EPHA3: variants seen among roughly 807,000 people sequenced by gnomAD.
EPHA3 encodes EPH receptor A3.
EPHA3 carries 42 observed loss-of-function variants against 107.1 expected under a neutral mutation model. That is an observed-to-expected ratio of 0.39 (90% CI 0.31 to 0.51). EPHA3 has a LOEUF of 0.51. EPHA3 is among the 20% of genes least tolerant of loss of function. The pLI is 0.78. For synonymous variants in EPHA3, 461 were observed against 424.8 expected (o/e 1.09, Z -1.05); for missense variants, 1,183 against 1,211.2 (o/e 0.98, Z 0.35).
At chr3:89,326,207 A>T (rs1707163213) in intron 3 of EPHA3, among the ~76,000 whole-genome samples, 2 of 152,016 alleles carry the variant, frequency 1.3e-5, no homozygotes, top group African/African-American at 4.8e-5. Context: ...AAATCCATGG[A>T]TGCTCAAGTC....
intron 1 of EPHA3, among the ~76,000 whole-genome samples, chr3:89,112,296 CATTTCTTGAATTGAATT>C (rs1423891718): frequency 6.6e-6 from 1 of 151,934 alleles, no homozygotes; most frequent in Non-Finnish European, 1.5e-5. Context: ...TAAAGTTTTT[CATTTCTTGAATTGAATT>C]ATGGTTGGCT....
At chr3:89,224,250 T>C (rs1704448374) in intron 3 of EPHA3, among the ~76,000 whole-genome samples, 1 of 152,170 alleles carries the variant, frequency 6.6e-6, no homozygotes, top group Non-Finnish European at 1.5e-5. Flanking sequence ...TTAAGCTTCA[T>C]AAAATAGAGA....
At chr3:89,319,134 T>G (rs2107375614) in intron 3 of EPHA3, among the ~76,000 whole-genome samples, 1 of 152,104 alleles carries the variant, frequency 6.6e-6, no homozygotes. Flanking sequence ...AGCAATTTTC[T>G]GATATTCTGG....
At chr3:89,288,700 A>G (rs573672223) in intron 3 of EPHA3, among the ~76,000 whole-genome samples, 4 of 152,290 alleles carry the variant, frequency 2.6e-5, no homozygotes, top group Admixed American at 1.3e-4. Context: ...TTTGAACATT[A>G]TTAGGCATAT....
intron 5 of EPHA3, among the ~76,000 whole-genome samples, chr3:89,366,444 G>T (rs1397581270): frequency 6.6e-6 from 1 of 150,718 alleles, no homozygotes; most frequent in Non-Finnish European, 1.5e-5. Flanking sequence ...TAGAATTGAT[G>T]AAATTAAGGC....
chr3:89,201,203 T>C (rs1308987148), intron 2 of EPHA3, among the ~76,000 whole-genome samples: 1 of 151,882 alleles, frequency 6.6e-6, no homozygotes, highest in Non-Finnish European at 1.5e-5. Flanking sequence ...GAGGGAAGGT[T>C]TGCACACTTT....
chr3:89,470,437 T>C (rs930557693), intron 15 of EPHA3, among the ~76,000 whole-genome samples: 2 of 152,226 alleles, frequency 1.3e-5, no homozygotes, highest in African/African-American at 4.8e-5. Context: ...TAGTGCTTAT[T>C]ATGAGCCAGC....
intron 3 of EPHA3, among the ~76,000 whole-genome samples, chr3:89,231,690 G>GA (rs1248817390): frequency 2.0e-5 from 3 of 152,058 alleles, no homozygotes; most frequent in African/African-American, 7.2e-5. Flanking sequence ...CTTTAGAAGG[G>GA]AAAAAATAAT....
chr3:89,384,039 A>G (rs890774327), intron 5 of EPHA3, among the ~76,000 whole-genome samples: 1 of 152,024 alleles, frequency 6.6e-6, no homozygotes, highest in Non-Finnish European at 1.5e-5. Flanking sequence ...TCAGCCATAT[A>G]CTTTCAATAG....
chr3:89,245,933 A>T (rs1235230414), intron 3 of EPHA3, among the ~76,000 whole-genome samples: 2 of 152,244 alleles, frequency 1.3e-5, no homozygotes, highest in Non-Finnish European at 2.9e-5. Context: ...AAGCTCATTT[A>T]GAAATACTCA....
At chr3:89,287,274 G>C (rs1706110722) in intron 3 of EPHA3, among the ~76,000 whole-genome samples, 1 of 152,110 alleles carries the variant, frequency 6.6e-6, no homozygotes. Context: ...TTACGGATGG[G>C]AGAATTTTAC....
At chr3:89,348,362 G>A (rs1707724149) in intron 5 of EPHA3, among the ~76,000 whole-genome samples, 1 of 134,348 alleles carries the variant, frequency 7.4e-6, no homozygotes, top group South Asian at 2.5e-4. Flanking sequence ...ATGTGTCGAG[G>A]AATTTATCCA....
At chr3:89,258,481 T>C (rs1705339434) in intron 3 of EPHA3, among the ~76,000 whole-genome samples, 1 of 152,164 alleles carries the variant, frequency 6.6e-6, no homozygotes, top group Non-Finnish European at 1.5e-5. Context: ...TAGTAGTAAT[T>C]GCCATTGTAC....
chr3:89,113,766 C>CCT (rs10632408), intron 1 of EPHA3, among the ~76,000 whole-genome samples: 144,489 of 151,762 alleles, frequency 0.95, 68,857 homozygotes, highest in African/African-American at 0.98. Flanking sequence ...CTTTGTTTCT[C>CCT]CTCAAGTTTA....
chr3:89,275,632 C>T (rs1412022568), intron 3 of EPHA3, among the ~76,000 whole-genome samples: 2 of 152,052 alleles, frequency 1.3e-5, no homozygotes, highest in African/African-American at 4.8e-5. Flanking sequence ...AGATTCTTTT[C>T]CAACACCAAA....
At chr3:89,318,191 C>A (rs1162886245) in intron 3 of EPHA3, among the ~76,000 whole-genome samples, 1 of 151,752 alleles carries the variant, frequency 6.6e-6, no homozygotes, top group Non-Finnish European at 1.5e-5. Flanking sequence ...CAGTTCTGGT[C>A]ATAAAAGACC....
chr3:89,436,203 G>T (rs1225100595), intron 13 of EPHA3, among the ~76,000 whole-genome samples: 1 of 152,044 alleles, frequency 6.6e-6, no homozygotes, highest in African/African-American at 2.4e-5. Context: ...TGTATATATT[G>T]TCTGTTTGTC....
In EPHA3 at chr3:89,111,084, CT is replaced by C. The variant is rs201274900; in HGVS notation, c.88+3255del. 5.3e-3 allele frequency among the ~76,000 whole-genome samples: 801 copies of C among 151,828 alleles called. 8 individuals are homozygous for C. Among genetic ancestry groups the C allele is most frequent in the African/African-American group, 0.019 (776 of 41,468 alleles). Reference sequence around the variant, plus strand: ...TATTTATATACTACTTTTTTAAAGACTTTTTTTAGTAGCTAAGACACTATTT... The same window carrying C: ...TATTTATATACTACTTTTTTAAAGACTTTTTTAGTAGCTAAGACACTATTT... On this transcript the variant is annotated intron_variant, in intron 1 of 16. Transcript: ENST00000336596.
intron 3 of EPHA3, among the ~76,000 whole-genome samples, chr3:89,259,198 C>T (rs1388872639): frequency 3.3e-5 from 5 of 152,182 alleles, no homozygotes; most frequent in African/African-American, 1.2e-4. Flanking sequence ...CCTCTCTGAC[C>T]TTTGCTACTC....
Sources: allele counts gnomAD v4.1 joint callset (sites outside exome capture counted in the v4.1 genomes callset), GRCh38; gene constraint gnomAD v4.1.1; transcripts MANE v1.5; gene names NCBI Gene and HGNC (gene_info 2026-07-23, HGNC 2026-07-21).